Variants in VARS2 observed in about 807,000 individuals in gnomAD.
VARS2 encodes the protein valine--tRNA ligase, mitochondrial.
VARS2 carries 105 observed loss-of-function variants against 154.1 expected under a neutral mutation model. That is an observed-to-expected ratio of 0.68 (90% CI 0.58 to 0.80). The LOEUF is 0.80. VARS2 is among the 30% of genes least tolerant of loss of function. VARS2 has a pLI of 0.00. For missense variants in VARS2, 1,157 were observed against 1,361.4 expected, an observed-to-expected ratio of 0.85 and a Z score of 2.36; for synonymous variants, 483 against 539.5, an observed-to-expected ratio of 0.90 and a Z score of 1.45.
intron 23 of VARS2, 28 bp downstream of exon 23, chr6:30,923,004 G>A: frequency 6.2e-7 from 1 of 1,604,730 alleles, no homozygotes; most frequent in Non-Finnish European, 8.5e-7. Flanking sequence ...GTGTCGGGGT[G>A]AGCAGAGGGC....
Position 30,922,455 on chromosome 6 carries a change from T to G in VARS2, c.1938T>G (p.Leu646=), listed in dbSNP as rs766278174. 4 of 1,605,906 alleles carry G rather than the reference T, an allele frequency of 2.5e-6. No homozygotes were observed. The East Asian group carries it at 6.7e-5, about 27-fold the overall frequency. Residue 646 remains leucine (L), a synonymous_variant, in exon 21 of 30, where the codon CTT becomes CTG. Transcript: ENST00000676266. ...LTGQLPFSKV[L]LHPMVRDRQG... is the part of the protein sequence containing the mutation. ...TGACCCCTCCCTGCCCCCAGGTGCT[T>G]CTTCATCCCATGGTTCGGGACAGGC...
At chr6:30,918,744 T>C (rs977748369) in intron 10 of VARS2, 83 bp from the exon 11 acceptor site, 41 of 1,246,006 alleles carry the variant, frequency 3.3e-5, no homozygotes, top group Non-Finnish European at 3.2e-5. Context: ...CCTTCCCCTT[T>C]CCAGTTCTAC....
Position 30,924,294 on chromosome 6 carries a change from G to A in VARS2, c.2467-60G>A. On this transcript the variant is annotated intron_variant, in intron 25 of 29. Transcript: ENST00000676266. ...CCTGCCCCACTGGCGGGTAGCAGTG[G>A]CTGTAGGGAGGAGGGCTGTGGCCCT... 4.4e-6 allele frequency: 7 copies of A among 1,579,380 alleles called. 1 individual carries two copies. The Admixed American group carries it at 1.2e-4, about 26-fold the overall frequency.
At chr6:30,918,368 T>C (rs1794305919) in intron 10 of VARS2, among the ~76,000 whole-genome samples, 1 of 152,200 alleles carries the variant, frequency 6.6e-6, no homozygotes. Context: ...ACCTGGCCTC[T>C]AAGGTGTGGT....
At chr6:30,918,780 AGGTGAGGATGATGACCAGC>A in intron 10 of VARS2, 28 bp from the exon 11 acceptor site, 3 of 1,212,672 alleles carry the variant, frequency 2.5e-6, no homozygotes, top group Non-Finnish European at 3.6e-6. Context: ...TGGCAGTGAG[AGGTGAGGATGATGACCAGC>A]TGTAAGTGTT....
Position 30,926,142 on chromosome 6 carries a change from G to A in VARS2, c.3124G>A (p.Asp1042Asn), listed in dbSNP as rs1794825324. Residue 1042 changes from aspartate (D) to asparagine (N), a missense_variant, in exon 30 of 30, where the codon GAC (aspartate) becomes AAC (asparagine). Asp to Asn is a conservative substitution (Grantham distance 23). Coordinates refer to ENST00000676266, the MANE Select transcript of VARS2 (RefSeq NM_020442.6). The stretch of plus-strand genomic sequence containing the variant: ...CCTCCAGCTGGAATTGTCAAAACTG[G>A]ACAAGGCAGCCTCTCACCTCCGGCA... ...SSLQLELSKL[D>N]KAASHLRQLM... The A allele has an allele frequency of 6.2e-7, 1 of 1,613,086 alleles. No homozygotes were observed. Among genetic ancestry groups the A allele is most frequent in the Non-Finnish European group, 8.5e-7 (1 of 1,180,024 alleles).
chr6:30,916,008 G>A lies in VARS2; in HGVS notation c.534G>A (p.Leu178=), dbSNP rs1427985055. ...ACCGGATGCGTGGGGATCAAGTGCTGTGGGTCCCTGGTTCAGATCATGCAG... is the reference window on the plus strand; with the variant it reads ...ACCGGATGCGTGGGGATCAAGTGCTATGGGTCCCTGGTTCAGATCATGCAG... The part of the protein sequence containing the change: ...RWHRMRGDQV[L]WVPGSDHAGI... The change falls in exon 6 of 30, where the codon CTG becomes CTA. Residue 178 remains leucine (L), a synonymous_variant. Coordinates refer to ENST00000676266, the MANE Select transcript of VARS2 (RefSeq NM_020442.6). This position sits in a 1 kb window ranked among gnomAD's most constrained non-coding sequence, Gnocchi z 4.0. The A allele has an allele frequency of 6.2e-7, 1 of 1,614,062 alleles. No homozygotes were observed. Among genetic ancestry groups the A allele is most frequent in the South Asian group, 1.1e-5 (1 of 91,090 alleles).
Position 30,916,089 on chromosome 6 carries a change from A to G in VARS2, c.573+42A>G, listed in dbSNP as rs745587911. The G allele has an allele frequency of 5.8e-6, 9 of 1,559,156 alleles. No homozygotes were observed. The highest frequency in any genetic ancestry group is 7.8e-6 in the Non-Finnish European group (9 of 1,156,980). ...CTGTTCCTTTTCTTGGGCAAAAGCA[A>G]TTTCTTCCCCCAAAGCAACCAAGCA... On this transcript the variant is annotated intron_variant, in intron 6 of 29. Transcript: ENST00000676266. This position sits in a 1 kb window ranked among gnomAD's most constrained non-coding sequence, Gnocchi z 4.0.
rs1264303 is a variant in VARS2, at chr6:30,914,736, A to G, written c.-27-74A>G. 458,027 of 1,393,526 alleles carry G rather than the reference A, an allele frequency of 0.33. 78,916 individuals carry two copies. The highest frequency in any genetic ancestry group is 0.35 in the Non-Finnish European group (359,668 of 1,019,936). 86.3% of individuals were successfully genotyped at this position (1,393,526 alleles called of 1,614,324 possible). A position where few individuals can be genotyped will look rare whatever the true frequency, so the allele number is the denominator to read the frequency against. On this transcript the variant is annotated intron_variant, in intron 1 of 29. Transcript: ENST00000676266. ...TAACAGACCTGTGCTAATTAGAGAC[A>G]GGAAAGATGGAACAAGGGGAGTGAC...
chr6:30,916,467 T>G lies in VARS2; in HGVS notation c.671+218T>G. The G allele has an allele frequency of 2.6e-6, 1 of 386,028 alleles. No individual in the cohort carries two copies. The allele number at this position is 386,028 out of a possible 1,614,324, so 23.9% of individuals were successfully genotyped here. ...ATTAGAATATTCGTGTGTGTGTGTGTGTGTGTGTGTATTTATATATATATA... is the reference window on the plus strand; with the variant it reads ...ATTAGAATATTCGTGTGTGTGTGTGGGTGTGTGTGTATTTATATATATATA... On this transcript the variant is annotated intron_variant, in intron 7 of 29. Transcript: ENST00000676266. This position sits in a 1 kb window ranked among gnomAD's most constrained non-coding sequence, Gnocchi z 4.0.
At position 30,923,340 on chromosome 6, in the gene VARS2, C is replaced by T. The variant is rs760836143; in HGVS notation, c.2314-13C>T. On this transcript the variant is annotated splice_polypyrimidine_tract_variant and intron_variant, in intron 24 of 29. Transcript: ENST00000676266. ...GAGGGGGAGTCAGGCCATCCTGCCCCCTCTGCCTGCAGCTGTCTCCCTCCT... is the reference window on the plus strand; with the variant it reads ...GAGGGGGAGTCAGGCCATCCTGCCCTCTCTGCCTGCAGCTGTCTCCCTCCT... 21 of 1,607,866 alleles carry T rather than the reference C, an allele frequency of 1.3e-5. No homozygotes were observed. In the African/African-American group the frequency reaches 2.4e-4, roughly 18 times the overall value.
At chr6:30,914,628 G>T in intron 1 of VARS2, 182 bp from the exon 2 acceptor site, 1 of 1,106,166 alleles carries the variant, frequency 9.0e-7, no homozygotes, top group African/African-American at 1.6e-5. Context: ...TGATATCCGT[G>T]GCTCCATGGC....
At chr6:30,924,711 G>C (rs1040461366) in intron 26 of VARS2, 151 bp downstream of exon 26, 2 of 598,408 alleles carry the variant, frequency 3.3e-6, no homozygotes, top group South Asian at 2.1e-5. Flanking sequence ...GGGTTGCTGC[G>C]ATGACCCTAG....
rs1469268273 is a variant in VARS2 at position 30,919,472 on chromosome 6, G to A, written c.1075-286G>A. 1.7e-5 allele frequency: 5 copies of A among 300,412 alleles called. No individual in the cohort carries two copies. The highest frequency in any genetic ancestry group is 9.5e-5 in the Admixed American group (2 of 21,122). 18.6% of individuals were successfully genotyped at this position (300,412 alleles called of 1,614,324 possible). ...AGTGCTGGGATTACAGGCGTGAGCC[G>A]CCGCGCCTGGCTGCTTGCAGCCTTT... On this transcript the variant is annotated intron_variant, in intron 11 of 29. Transcript: ENST00000676266. The surrounding 1 kb of genome is among the most constrained non-coding windows in gnomAD (Gnocchi z 4.5).
In VARS2 at chr6:30,921,416, T is replaced by C. The variant is rs1794504788; in HGVS notation, c.1632+111T>C. ...TCCTGCCTGGTCATGTGCTTCATGC[T>C]CATAGTCATGTAACCTTCTGCGCGA... On this transcript the variant is annotated intron_variant, in intron 17 of 29. Transcript: ENST00000676266. This position sits in a 1 kb window ranked among gnomAD's most constrained non-coding sequence, Gnocchi z 4.6. 3 of 1,470,548 alleles carry C rather than the reference T, an allele frequency of 2.0e-6. No individual in the cohort carries two copies. The highest frequency in any genetic ancestry group is 1.4e-5 in the African/African-American group (1 of 71,978). The allele number at this position is 1,470,548 out of a possible 1,614,324, so 91.1% of individuals were successfully genotyped here.
Position 30,925,900 on chromosome 6 carries a change from C to A in VARS2, c.2982C>A (p.Ile994=), listed in dbSNP as rs530377015. 17 of 1,612,948 alleles carry A rather than the reference C, an allele frequency of 1.1e-5. No homozygotes were observed. In the East Asian group the frequency reaches 3.6e-4, roughly 34 times the overall value. The change falls in exon 29 of 30, where the codon ATC becomes ATA. Residue 994 remains isoleucine, a synonymous_variant. Transcript: ENST00000676266. ...CCCAGGGCCTGGTGGACCCGCAGATCCAGCTACCTCTGTTAGCCGCCCGAA... is the reference window on the plus strand; with the variant it reads ...CCCAGGGCCTGGTGGACCCGCAGATACAGCTACCTCTGTTAGCCGCCCGAA... ...MELQGLVDPQ[I]QLPLLAARRY... is the part of the protein sequence containing the mutation.
chr6:30,925,742 G>A (rs1345152640), intron 28 of VARS2, 23 bp downstream of exon 28: 1 of 1,610,952 alleles, frequency 6.2e-7, no homozygotes, highest in East Asian at 2.2e-5. Flanking sequence ...GATGGGGAGG[G>A]TTAGGGCAGG....
rs2074506 is a variant in VARS2 at position 30,922,706 on chromosome 6, G to T, written c.2038G>T (p.Val680Leu). 537,951 of 1,611,656 alleles carry T rather than the reference G, an allele frequency of 0.33. 93,509 individuals are homozygous for T. The highest frequency in any genetic ancestry group is 0.36 in the Non-Finnish European group (422,351 of 1,179,220). The change falls in exon 22 of 30, where the codon GTG becomes TTG. Residue 680 changes from valine (V) to leucine (L), a missense_variant and splice_region_variant. Physicochemically the swap from Val to Leu is conservative, Grantham distance 32. Transcript: ENST00000676266. ...RDIISGVEMQ[V>L]LQEKLRSGNL... ...GTGAATTGCCCCCTTCCATCCCCAG[G>T]TGCTGCAGGAAAAGCTGAGAAGCGG... is the stretch of plus-strand genomic sequence containing the variant.
At position 30,919,740 on chromosome 6, in the gene VARS2, C is replaced by G; in HGVS notation, c.1075-18C>G. The G allele has an allele frequency of 6.5e-7, 1 of 1,536,362 alleles. No homozygotes were observed. The highest frequency in any genetic ancestry group is 8.8e-7 in the Non-Finnish European group (1 of 1,136,572). On this transcript the variant is annotated intron_variant, in intron 11 of 29. Transcript: ENST00000676266. The surrounding 1 kb of genome is among the most constrained non-coding windows in gnomAD (Gnocchi z 4.5). ...CCCTCACAGGTGCCTGTCCTTGATCCCTCTCCCTTCCCTTCAGCATCTACA... is the reference window on the plus strand; with the variant it reads ...CCCTCACAGGTGCCTGTCCTTGATCGCTCTCCCTTCCCTTCAGCATCTACA...
Sources: gnomAD v4.1 joint callset for allele counts (sites outside exome capture counted in the v4.1 genomes callset) on GRCh38, gnomAD v4.1.1 for gene constraint, Gnocchi (gnomAD v3.1) non-coding constraint, MANE v1.5 for transcripts, NCBI Gene and HGNC (gene_info 2026-07-23, HGNC 2026-07-21) for gene names.